ZNF804B: variants seen among roughly 807,000 people sequenced by gnomAD.
The protein encoded by ZNF804B is zinc finger protein 804B.
ZNF804B carries 80 observed loss-of-function variants against 101.4 expected under a neutral mutation model. The ratio of observed to expected loss-of-function variants is 0.79; its 90% CI spans 0.66 to 0.95. The LOEUF (loss-of-function observed/expected upper bound fraction) is 0.95. ZNF804B is among the 40% of genes least tolerant of loss of function. ZNF804B has a pLI of 0.00. For missense variants in ZNF804B, 1,673 were observed against 1,561.9 expected, an observed-to-expected ratio of 1.07 and a Z score of -1.20; for synonymous variants, 622 against 558.8, an observed-to-expected ratio of 1.11 and a Z score of -1.59.
chr7:89,016,563 C>G (rs925918013), intron 1 of ZNF804B, among the ~76,000 whole-genome samples: 1 of 148,672 alleles, frequency 6.7e-6, no homozygotes, highest in African/African-American at 2.5e-5. Context: ...TATGGCTAGC[C>G]AGTTTTGCCG....
chr7:89,047,165 A>AT (rs753737102), intron 1 of ZNF804B, among the ~76,000 whole-genome samples: 4 of 152,122 alleles, frequency 2.6e-5, no homozygotes, highest in Admixed American at 1.3e-4. Flanking sequence ...TCTATGGGTG[A>AT]TTTTGTAACA....
intron 1 of ZNF804B, among the ~76,000 whole-genome samples, chr7:88,907,418 A>G (rs1474406786): frequency 2.0e-5 from 3 of 152,000 alleles, no homozygotes; most frequent in Admixed American, 1.3e-4. Flanking sequence ...TAGATGTGTG[A>G]TTTTAAAAGT....
At chr7:88,825,841 C>T (rs951453089) in intron 1 of ZNF804B, among the ~76,000 whole-genome samples, 5 of 152,118 alleles carry the variant, frequency 3.3e-5, no homozygotes, top group South Asian at 2.1e-4. Context: ...CACCAAGTGC[C>T]GTGTGACTCA....
intron 1 of ZNF804B, among the ~76,000 whole-genome samples, chr7:89,216,373 A>G (rs564341577): frequency 2.7e-4 from 41 of 149,826 alleles, no homozygotes; most frequent in Admixed American, 6.7e-4. Context: ...TTCTAAGTCT[A>G]CTAAATCAAG....
intron 1 of ZNF804B, among the ~76,000 whole-genome samples, chr7:89,142,103 A>G (rs1790726796): frequency 6.6e-6 from 1 of 151,926 alleles, no homozygotes; most frequent in South Asian, 2.1e-4. Context: ...GAAACAAAGC[A>G]GTAGCCAGAG....
intron 1 of ZNF804B, among the ~76,000 whole-genome samples, chr7:89,146,945 AC>A (rs1790799315): frequency 6.6e-6 from 1 of 151,680 alleles, no homozygotes; most frequent in African/African-American, 2.4e-5. Context: ...GGGAATGATC[AC>A]TTAAGCCTGG....
chr7:89,135,946 T>G (rs1790628695), intron 1 of ZNF804B, among the ~76,000 whole-genome samples: 1 of 152,096 alleles, frequency 6.6e-6, no homozygotes, highest in South Asian at 2.1e-4. Flanking sequence ...TCTTTATTGA[T>G]AGATCAGATA....
At chr7:88,849,259 T>C (rs1009919203) in intron 1 of ZNF804B, among the ~76,000 whole-genome samples, 1 of 152,164 alleles carries the variant, frequency 6.6e-6, no homozygotes, top group African/African-American at 2.4e-5. Context: ...TCACTTCATT[T>C]ACCATGATTC....
intron 1 of ZNF804B, among the ~76,000 whole-genome samples, chr7:88,876,429 A>G (rs888093155): frequency 2.6e-5 from 4 of 152,212 alleles, no homozygotes; most frequent in African/African-American, 4.8e-5. Flanking sequence ...AAATAAAACT[A>G]TAATGCTTAT....
At chr7:88,977,884 C>G (rs537634408) in intron 1 of ZNF804B, among the ~76,000 whole-genome samples, 1 of 151,508 alleles carries the variant, frequency 6.6e-6, no homozygotes, top group South Asian at 2.1e-4. Flanking sequence ...AAACTTTCCT[C>G]CTAATGCTGC....
intron 1 of ZNF804B, among the ~76,000 whole-genome samples, chr7:89,084,035 G>C (rs1310022456): frequency 6.6e-6 from 1 of 151,956 alleles, no homozygotes; most frequent in Non-Finnish European, 1.5e-5. Flanking sequence ...AAGATATCTA[G>C]ACAGGATGTA....
intron 1 of ZNF804B, among the ~76,000 whole-genome samples, chr7:89,098,660 T>G (rs1432056911): frequency 6.6e-6 from 1 of 152,108 alleles, no homozygotes; most frequent in Non-Finnish European, 1.5e-5. Context: ...GTTATAGAGT[T>G]CTTAAATAAC....
intron 1 of ZNF804B, among the ~76,000 whole-genome samples, chr7:89,102,716 A>C (rs183470204): frequency 6.6e-6 from 1 of 151,792 alleles, no homozygotes; most frequent in Non-Finnish European, 1.5e-5. Context: ...TGGTTTAGTT[A>C]GATTTGCTTT....
At chr7:89,171,303 TC>T (rs1562904418) in intron 1 of ZNF804B, among the ~76,000 whole-genome samples, 3 of 95,640 alleles carry the variant, frequency 3.1e-5, no homozygotes, top group East Asian at 5.0e-4. Flanking sequence ...TTCTTCTTCT[TC>T]TTCTTCTTCT....
intron 1 of ZNF804B, among the ~76,000 whole-genome samples, chr7:88,908,591 G>GC (rs940081708): frequency 2.5e-4 from 38 of 151,544 alleles, no homozygotes; most frequent in African/African-American, 8.5e-4. Context: ...TCTTCCCAGT[G>GC]TTTTTTTAAA....
chr7:89,194,770 G>T (rs1325620431), intron 1 of ZNF804B, among the ~76,000 whole-genome samples: 3 of 150,828 alleles, frequency 2.0e-5, no homozygotes, highest in Non-Finnish European at 4.4e-5. Context: ...TTGTTCTTTT[G>T]GCTTAGGATT....
At chr7:88,904,024 C>A (rs949473802) in intron 1 of ZNF804B, among the ~76,000 whole-genome samples, 2 of 152,106 alleles carry the variant, frequency 1.3e-5, no homozygotes, top group Admixed American at 1.3e-4. Context: ...AAATTCTTTG[C>A]CATGGCTGAT....
intron 2 of ZNF804B, among the ~76,000 whole-genome samples, chr7:89,240,532 C>A (rs1401799723): frequency 6.6e-6 from 1 of 151,906 alleles, no homozygotes; most frequent in Non-Finnish European, 1.5e-5. Context: ...CCTAAATAAC[C>A]TCTACTATTT....
chr7:89,210,992 T>C (rs1210440300), intron 1 of ZNF804B, among the ~76,000 whole-genome samples: 2 of 152,228 alleles, frequency 1.3e-5, no homozygotes, highest in Non-Finnish European at 2.9e-5. Context: ...CTCTGCAACC[T>C]TGACAGCAAC....
Sources: allele counts gnomAD v4.1 joint callset (sites outside exome capture counted in the v4.1 genomes callset), GRCh38; gene constraint gnomAD v4.1.1; transcripts MANE v1.5; gene names NCBI Gene and HGNC (gene_info 2026-07-23, HGNC 2026-07-21).